Variants in HKDC1 observed in about 807,000 individuals in gnomAD.
The protein encoded by HKDC1 is hexokinase domain containing 1, also known as hexokinase HKDC1.
Under a neutral mutation model 96.6 loss-of-function variants are expected in HKDC1, and 66 were observed. The ratio of observed to expected loss-of-function variants is 0.68; its 90% confidence interval spans 0.56 to 0.84. The LOEUF is 0.84. Among genes scored for constraint, HKDC1 ranks in the 40% least tolerant of loss-of-function variants. The pLI is 0.00. For missense variants in HKDC1, 1,211 were observed against 1,208.1 expected, an observed-to-expected ratio of 1.00 and a Z score of -0.04; for synonymous variants, 466 against 473.1, an observed-to-expected ratio of 0.98 and a Z score of 0.20.
chr10:69,261,420 T>C (rs1295417652), intron 16 of HKDC1, 126 bp downstream of exon 16: 1 of 811,824 alleles, frequency 1.2e-6, no homozygotes, highest in African/African-American at 1.7e-5. Context: ...GATTGCCTCC[T>C]GGGGCTGCTC....
chr10:69,257,453 C>A (rs1843737890), intron 14 of HKDC1, 27 bp downstream of exon 14: 1 of 1,480,980 alleles, frequency 6.8e-7, no homozygotes, highest in Non-Finnish European at 9.4e-7. Context: ...GGCCCATTGG[C>A]CTAATCCCAC....
intron 7 of HKDC1, among the ~76,000 whole-genome samples, chr10:69,243,723 C>T (rs1843492703): frequency 6.6e-6 from 1 of 152,088 alleles, no homozygotes; most frequent in African/African-American, 2.4e-5. Context: ...TTTTGCACTC[C>T]TGAGCTCAGG....
rs1056915365 is a variant in HKDC1, at chr10:69,246,783, G to A, written c.1031+549G>A. Reference sequence around the variant, plus strand: ...GCTGCAGGTGACGGCGGCTGGCCCCGGTGTGACTGCATTGCCGTCCAGCAC... The same window carrying A: ...GCTGCAGGTGACGGCGGCTGGCCCCAGTGTGACTGCATTGCCGTCCAGCAC... On this transcript the variant is annotated intron_variant, in intron 8 of 17. Coordinates refer to ENST00000354624, the MANE Select transcript of HKDC1 (RefSeq NM_025130.4). Among the ~76,000 whole-genome samples the A allele has an allele frequency of 9.2e-5, 14 of 152,204 alleles. No individual in the cohort carries two copies. In the South Asian group the frequency reaches 1.2e-3, roughly 14 times the overall value.
chr10:69,220,457 G>A lies in HKDC1; in HGVS notation c.22G>A (p.Ala8Thr). ...GAAAATGTTTGCGGTCCACTTGATG[G>A]CATTTTACTTCAGCAAGCTGAAGGA... is the stretch of plus-strand genomic sequence containing the variant. MFAVHLMAFYFSKLKEDQ... is the reference protein window; with the variant it reads MFAVHLMTFYFSKLKEDQ... Residue 8 changes from alanine (A) to threonine (T), a missense_variant, in exon 1 of 18, where the codon GCA becomes ACA. Coordinates refer to ENST00000354624, the MANE Select transcript of HKDC1 (RefSeq NM_025130.4). 1 of 1,600,662 alleles carries A rather than the reference G, an allele frequency of 6.2e-7. No homozygotes were observed. Among genetic ancestry groups the A allele is most frequent in the Non-Finnish European group, 8.5e-7 (1 of 1,174,342 alleles).
At chr10:69,230,919 C>T (rs1446144882) in intron 2 of HKDC1, among the ~76,000 whole-genome samples, 1 of 152,156 alleles carries the variant, frequency 6.6e-6, no homozygotes, top group African/African-American at 2.4e-5. Context: ...CGTGCCTGGC[C>T]GGGGCTGTTT....
At chr10:69,261,413 T>A in intron 16 of HKDC1, 119 bp downstream of exon 16, 1 of 900,668 alleles carries the variant, frequency 1.1e-6, no homozygotes, top group Non-Finnish European at 1.7e-6. Flanking sequence ...GGTAAGGGAT[T>A]GCCTCCTGGG....
At chr10:69,261,723 GT>G (rs1843813577) in intron 16 of HKDC1, 1 of 173,284 alleles carries the variant, frequency 5.8e-6, no homozygotes, top group Admixed American at 5.5e-5. Context: ...AAAATTAATG[GT>G]TTTTACAGTT....
chr10:69,246,266 A>AT, intron 8 of HKDC1, 32 bp downstream of exon 8: 1 of 1,608,102 alleles, frequency 6.2e-7, no homozygotes, highest in South Asian at 1.1e-5. Context: ...GGCTCTGTGG[A>AT]GGGCTGGGAT....
chr10:69,234,480 C>T (rs1433549515), intron 4 of HKDC1, among the ~76,000 whole-genome samples: 2 of 152,184 alleles, frequency 1.3e-5, no homozygotes, highest in African/African-American at 2.4e-5. Flanking sequence ...GTCTCAAACT[C>T]CTGGGTTTAA....
intron 9 of HKDC1, 28 bp downstream of exon 9, chr10:69,247,621 C>A (rs756320455): frequency 5.2e-5 from 82 of 1,571,482 alleles, no homozygotes; most frequent in Middle Eastern, 1.7e-4. Context: ...TCCACGCCCC[C>A]ACAAATGAGT....
At chr10:69,241,789 G>A (rs1843460146) in intron 6 of HKDC1, among the ~76,000 whole-genome samples, 1 of 152,168 alleles carries the variant, frequency 6.6e-6, no homozygotes, top group Admixed American at 6.5e-5. Flanking sequence ...CCGGCCGGAT[G>A]TGCATTTTTT....
chr10:69,243,501 T>A, intron 7 of HKDC1, 136 bp downstream of exon 7: 8 of 417,152 alleles, frequency 1.9e-5, no homozygotes, highest in Admixed American at 6.0e-5. Context: ...TCTTTTTCCT[T>A]TTTTTTTTTT....
chr10:69,228,088 G>C (rs1313462462), intron 2 of HKDC1, among the ~76,000 whole-genome samples: 1 of 152,192 alleles, frequency 6.6e-6, no homozygotes, highest in Non-Finnish European at 1.5e-5. Context: ...GAAGTTTGCA[G>C]TGGGTCTCAC....
Position 69,265,625 on chromosome 10 carries a change from C to G in HKDC1, c.2413C>G (p.Gln805Glu), listed in dbSNP as rs769896723. ...ALLQVRRILQ[Q>E]LGLDSTCEDS... ...TCTCCAGGTCAGGAGGATTCTGCAG[C>G]AGCTGGGCCTGGACAGCACGTGTGA... Residue 805 changes from glutamine to glutamate, a missense_variant, in exon 17 of 18, where the codon CAG (glutamine) becomes GAG (glutamate). By Grantham distance (29) the Gln-to-Glu change is conservative. Coordinates refer to ENST00000354624, the MANE Select transcript of HKDC1 (RefSeq NM_025130.4). 6 of 1,613,714 alleles carry G rather than the reference C, an allele frequency of 3.7e-6. No homozygotes were observed. The African/African-American group carries it at 8.0e-5, about 22-fold the overall frequency.
chr10:69,241,009 G>A (rs1019791425), intron 6 of HKDC1, among the ~76,000 whole-genome samples: 1 of 152,190 alleles, frequency 6.6e-6, no homozygotes, highest in African/African-American at 2.4e-5. Context: ...GGGGAGGTGG[G>A]TGAGAGGCCC....
At position 69,267,475 on chromosome 10, in the gene HKDC1, G is replaced by C. The variant is rs2611; in HGVS notation, c.*718G>C. 0.39 allele frequency: 176,403 copies of C among 454,846 alleles called. 35,653 individuals carry two copies. The highest frequency in any genetic ancestry group is 0.51 in the South Asian group (33,028 of 64,206). The allele number at this position is 454,846 out of a possible 1,614,324, so 28.2% of individuals were successfully genotyped here. The stretch of plus-strand genomic sequence containing the variant: ...ATTTTGCCTGTGGTTTGTGTTGCAG[G>C]TGTTGATAGTTGTTTTAAGGATTGT... On this transcript the variant is annotated 3_prime_UTR_variant, in exon 18 of 18. Transcript: ENST00000354624.
In HKDC1 at chr10:69,266,798, C is replaced by T. The variant is rs371945982; in HGVS notation, c.*41C>T. 1.9e-6 allele frequency: 3 copies of T among 1,585,122 alleles called. No homozygotes were observed. Among genetic ancestry groups the T allele is most frequent in the Admixed American group, 1.8e-5 (1 of 55,516 alleles). ...GACCTGATGCATCTTGGATACTGAA[C>T]AGCTTTTCCTCTGGCAGATCAGTTG... On this transcript the variant is annotated 3_prime_UTR_variant, in exon 18 of 18. Transcript: ENST00000354624.
At chr10:69,265,852 T>G (rs1481395960) in intron 17 of HKDC1, 34 bp downstream of exon 17, 70 of 1,166,800 alleles carry the variant, frequency 6.0e-5, no homozygotes, top group Non-Finnish European at 6.9e-5. Flanking sequence ...CGGGTGGGGC[T>G]GGGGAGGGCT....
At position 69,248,648 on chromosome 10, in the gene HKDC1, A is replaced by T; in HGVS notation, c.1490A>T (p.Tyr497Phe). 1 of 1,614,176 alleles carries T rather than the reference A, an allele frequency of 6.2e-7. No homozygotes were observed. Among genetic ancestry groups the T allele is most frequent in the Non-Finnish European group, 8.5e-7 (1 of 1,180,034 alleles). Residue 497 changes from tyrosine (Y) to phenylalanine (F), a missense_variant, in exon 10 of 18, where the codon TAT (tyrosine) becomes TTT (phenylalanine). By Grantham distance (22) the Tyr-to-Phe change is conservative (BLOSUM62 3). Transcript: ENST00000354624. The part of the protein sequence containing the change: ...VQAKMRAELE[Y>F]GLKKKSHGLA... Reference sequence around the variant, plus strand: ...GCCAAGATGCGGGCTGAGCTGGAGTATGGGCTGAAGAAGAAGAGCCACGGG... The same window carrying T: ...GCCAAGATGCGGGCTGAGCTGGAGTTTGGGCTGAAGAAGAAGAGCCACGGG...
Sources: gnomAD v4.1 joint callset for allele counts (sites outside exome capture counted in the v4.1 genomes callset) on GRCh38, gnomAD v4.1.1 for gene constraint, MANE v1.5 for transcripts, NCBI Gene and HGNC (gene_info 2026-07-23, HGNC 2026-07-21) for gene names.